Variants in GIPC2 observed in about 807,000 individuals in gnomAD.
GIPC2 encodes the protein GIPC PDZ domain containing family member 2, also known as PDZ domain-containing protein GIPC2.
GIPC2 carries 30 observed loss-of-function variants against 30.6 expected under a neutral mutation model. The ratio of observed to expected loss-of-function variants is 0.98; its 90% confidence interval spans 0.73 to 1.33. The LOEUF is 1.33. Ranked by LOEUF, GIPC2 falls within the 40% of genes most tolerant of loss-of-function variation. GIPC2 has a pLI of 0.00. For missense variants in GIPC2, 414 were observed against 390.3 expected (o/e 1.06, Z -0.51); for synonymous variants, 167 against 150.0 (o/e 1.11, Z -0.83).
chr1:78,093,426 T>G (rs1302756070), intron 2 of GIPC2, among the ~76,000 whole-genome samples: 1 of 152,242 alleles, frequency 6.6e-6, no homozygotes, highest in Non-Finnish European at 1.5e-5. Flanking sequence ...TCTGTTTAAA[T>G]TGGCATTATT....
chr1:78,055,238 A>G (rs918584042), intron 1 of GIPC2, among the ~76,000 whole-genome samples: 2 of 152,096 alleles, frequency 1.3e-5, no homozygotes, highest in African/African-American at 4.8e-5. Flanking sequence ...CACTAATCCT[A>G]TTCCTGAAGG....
chr1:78,052,061 G>A (rs570477428), intron 1 of GIPC2, among the ~76,000 whole-genome samples: 40 of 152,220 alleles, frequency 2.6e-4, no homozygotes, highest in Non-Finnish European at 4.3e-4. Context: ...CTTCAGAATC[G>A]TTGTTCCTTC....
chr1:78,082,152 G>A (rs1027147072), intron 2 of GIPC2, among the ~76,000 whole-genome samples: 1 of 152,112 alleles, frequency 6.6e-6, no homozygotes, highest in African/African-American at 2.4e-5. Context: ...TTTTACAGAT[G>A]TGGAAACAGG....
intron 1 of GIPC2, among the ~76,000 whole-genome samples, chr1:78,055,898 A>G (rs115016425): frequency 0.018 from 2,715 of 152,294 alleles, 65 homozygotes; most frequent in South Asian, 0.11. Flanking sequence ...GACACCTTCC[A>G]TGGCCTGTTT....
At chr1:78,087,752 T>C (rs1371567088) in intron 2 of GIPC2, among the ~76,000 whole-genome samples, 1 of 152,142 alleles carries the variant, frequency 6.6e-6, no homozygotes, top group East Asian at 1.9e-4. Context: ...GAAGCAAATA[T>C]TGACAAGTGG....
chr1:78,109,737 CT>C (rs1452913703), intron 3 of GIPC2, among the ~76,000 whole-genome samples: 1 of 150,728 alleles, frequency 6.6e-6, no homozygotes, highest in Admixed American at 6.6e-5. Context: ...GTTTTTTTTT[CT>C]TTTGAAATAA....
Position 78,094,961 on chromosome 1 carries a change from G to A in GIPC2, c.436G>A (p.Asp146Asn). The A allele has an allele frequency of 6.3e-7, 1 of 1,583,162 alleles. No homozygotes were observed. The highest frequency in any genetic ancestry group is 8.7e-7 in the Non-Finnish European group (1 of 1,152,486). The part of the protein sequence containing the change: ...VGYAFIKRIK[D>N]GGVIDSVKTI... ...ATCAATTTCCTTTCAGAGAATTAAAGATGGTGGTGTTATTGACTCAGTTAA... is the reference window on the plus strand; with the variant it reads ...ATCAATTTCCTTTCAGAGAATTAAAAATGGTGGTGTTATTGACTCAGTTAA... Residue 146 changes from aspartate (D) to asparagine (N), a missense_variant, in exon 3 of 6, where the codon GAT becomes AAT. Physicochemically the swap from Asp to Asn is conservative, Grantham distance 23. Transcript: ENST00000370759.
chr1:78,102,946 A>G (rs1240040761), intron 3 of GIPC2, among the ~76,000 whole-genome samples: 1 of 152,252 alleles, frequency 6.6e-6, no homozygotes, highest in Non-Finnish European at 1.5e-5. Context: ...GCAATATCAC[A>G]TCTCATATCA....
At chr1:78,129,089 C>A (rs778532961) in intron 5 of GIPC2, among the ~76,000 whole-genome samples, 4 of 151,608 alleles carry the variant, frequency 2.6e-5, no homozygotes, top group Non-Finnish European at 5.9e-5. Context: ...ACTAAACATT[C>A]CTTACAAATT....
chr1:78,094,078 AAAC>A (rs1225917963), intron 2 of GIPC2, among the ~76,000 whole-genome samples: 1 of 152,226 alleles, frequency 6.6e-6, no homozygotes, highest in African/African-American at 2.4e-5. Context: ...CATAAATGAA[AAAC>A]AATAGCATCA....
At chr1:78,112,396 C>T in intron 3 of GIPC2, 1 of 518,628 alleles carries the variant, frequency 1.9e-6, no homozygotes, top group South Asian at 1.4e-5. Flanking sequence ...GTGTCCATAG[C>T]ATCCCATTCT....
intron 5 of GIPC2, among the ~76,000 whole-genome samples, chr1:78,129,553 G>A (rs1175065701): frequency 1.3e-4 from 20 of 152,188 alleles, no homozygotes; most frequent in Admixed American, 1.3e-3. Context: ...TTTGAAAATG[G>A]AAAATAATTT....
chr1:78,123,894 G>A (rs537406389), intron 4 of GIPC2, among the ~76,000 whole-genome samples: 10 of 152,310 alleles, frequency 6.6e-5, no homozygotes, highest in Non-Finnish European at 1.2e-4. Flanking sequence ...ATGAAGGCAA[G>A]AGCAATATAT....
At chr1:78,116,502 C>T (rs1026456899) in intron 3 of GIPC2, among the ~76,000 whole-genome samples, 7 of 152,002 alleles carry the variant, frequency 4.6e-5, no homozygotes, top group Admixed American at 2.0e-4. Flanking sequence ...CTATCCCTCC[C>T]GCCTCCCCCC....
At chr1:78,120,301 A>G (rs1050574365) in intron 4 of GIPC2, among the ~76,000 whole-genome samples, 7 of 152,188 alleles carry the variant, frequency 4.6e-5, no homozygotes, top group African/African-American at 1.7e-4. Flanking sequence ...TGCTGTTCCC[A>G]AACACTCCAG....
intron 3 of GIPC2, among the ~76,000 whole-genome samples, chr1:78,119,065 G>A (rs1442162126): frequency 4.7e-5 from 7 of 147,934 alleles, no homozygotes; most frequent in African/African-American, 7.5e-5. Flanking sequence ...CCCTTTTTTT[G>A]TGACTTTGAT....
At chr1:78,133,143 A>G (rs1224625369) in intron 5 of GIPC2, among the ~76,000 whole-genome samples, 2 of 152,162 alleles carry the variant, frequency 1.3e-5, no homozygotes, top group Non-Finnish European at 2.9e-5. Flanking sequence ...CTCTTGCACC[A>G]CCCATTCACT....
chr1:78,103,735 G>A (rs568370877), intron 3 of GIPC2, among the ~76,000 whole-genome samples: 5 of 152,310 alleles, frequency 3.3e-5, no homozygotes, highest in African/African-American at 1.2e-4. Flanking sequence ...TTATCTGAGC[G>A]CTGACTTGTC....
At chr1:78,076,982 C>G (rs1661729090) in intron 1 of GIPC2, among the ~76,000 whole-genome samples, 1 of 151,690 alleles carries the variant, frequency 6.6e-6, no homozygotes, top group Non-Finnish European at 1.5e-5. Context: ...GTTGGCCAGG[C>G]TAGTCTCGAA....
Sources: gnomAD v4.1 joint callset for allele counts (sites outside exome capture counted in the v4.1 genomes callset) on GRCh38, gnomAD v4.1.1 for gene constraint, MANE v1.5 for transcripts, NCBI Gene and HGNC (gene_info 2026-07-23, HGNC 2026-07-21) for gene names.